SLC10A7: variants seen among roughly 807,000 people sequenced by gnomAD.
SLC10A7 encodes solute carrier family 10 member 7, also known as sodium/bile acid cotransporter 7.
In SLC10A7, 29 loss-of-function variants were observed where a neutral mutation model predicts 43.2. The observed-to-expected ratio is 0.67, with a 90% CI of 0.50 to 0.92. The LOEUF is 0.92. SLC10A7 is among the 40% of genes least tolerant of loss of function. The pLI is 0.00. For synonymous variants in SLC10A7, 152 were observed against 144.8 expected (o/e 1.05, Z -0.35); for missense variants, 295 against 403.2 (o/e 0.73, Z 2.30).
intron 6 of SLC10A7, 105 bp from the exon 7 acceptor site, chr4:146,306,114 T>C (rs1175094497): frequency 1.2e-5 from 10 of 811,680 alleles, no homozygotes; most frequent in Non-Finnish European, 1.8e-5. Flanking sequence ...CACCAAAAAT[T>C]TGGTAGCTAT....
intron 7 of SLC10A7, among the ~76,000 whole-genome samples, chr4:146,297,905 T>C (rs999406215): frequency 7.9e-5 from 12 of 152,200 alleles, no homozygotes; most frequent in African/African-American, 2.9e-4. Context: ...TCCATTCTCA[T>C]GAGAAAGGTC....
intron 3 of SLC10A7, among the ~76,000 whole-genome samples, chr4:146,505,367 T>C (rs1736802293): frequency 6.6e-6 from 1 of 152,190 alleles, no homozygotes; most frequent in Non-Finnish European, 1.5e-5. Flanking sequence ...GAATATGTAA[T>C]ACATGTAATA....
intron 4 of SLC10A7, among the ~76,000 whole-genome samples, chr4:146,493,033 TAA>T (rs1159377327): frequency 6.6e-6 from 1 of 152,200 alleles, no homozygotes; most frequent in East Asian, 1.9e-4. Context: ...TTATTAAGAA[TAA>T]GTCTTCTATT....
chr4:146,335,076 C>T (rs537382806), intron 5 of SLC10A7, among the ~76,000 whole-genome samples: 4 of 151,754 alleles, frequency 2.6e-5, no homozygotes, highest in African/African-American at 9.7e-5. Context: ...TGAGCTATGA[C>T]GATGTGGATG....
At chr4:146,512,249 C>G (rs1737552542) in intron 2 of SLC10A7, among the ~76,000 whole-genome samples, 1 of 152,152 alleles carries the variant, frequency 6.6e-6, no homozygotes, top group Non-Finnish European at 1.5e-5. Context: ...GCTGGGATTA[C>G]AGGCATGAGC....
intron 5 of SLC10A7, among the ~76,000 whole-genome samples, chr4:146,350,038 C>T (rs1734927159): frequency 6.6e-6 from 1 of 151,908 alleles, no homozygotes; most frequent in Admixed American, 6.6e-5. Flanking sequence ...GCCAAGATGG[C>T]CGAATAGGAA....
intron 7 of SLC10A7, among the ~76,000 whole-genome samples, chr4:146,302,228 A>G (rs989844616): frequency 1.3e-5 from 2 of 152,230 alleles, no homozygotes; most frequent in African/African-American, 4.8e-5. Context: ...ATGAATTTAA[A>G]CTAATATAAT....
chr4:146,476,672 T>C (rs1317814677), intron 4 of SLC10A7, among the ~76,000 whole-genome samples: 1 of 152,170 alleles, frequency 6.6e-6, no homozygotes, highest in Non-Finnish European at 1.5e-5. Flanking sequence ...GATCAAATCT[T>C]ACTATTAAAA....
intron 5 of SLC10A7, among the ~76,000 whole-genome samples, chr4:146,329,025 T>G (rs184784970): frequency 6.6e-6 from 1 of 152,184 alleles, no homozygotes; most frequent in Admixed American, 6.5e-5. Context: ...AGAAAATCAG[T>G]GAGATAGAAA....
chr4:146,367,367 T>C (rs2149773013), intron 5 of SLC10A7, among the ~76,000 whole-genome samples: 1 of 152,314 alleles, frequency 6.6e-6, no homozygotes, highest in South Asian at 2.1e-4. Flanking sequence ...ACTAGCCACA[T>C]GTAGCTATTA....
intron 3 of SLC10A7, among the ~76,000 whole-genome samples, chr4:146,506,272 T>G (rs1324991178): frequency 6.6e-6 from 1 of 152,066 alleles, no homozygotes; most frequent in Non-Finnish European, 1.5e-5. Flanking sequence ...AAAAAAAAAT[T>G]TGCCAACTAT....
intron 7 of SLC10A7, among the ~76,000 whole-genome samples, chr4:146,304,616 AGTTT>A (rs1409716265): frequency 1.3e-5 from 2 of 152,170 alleles, no homozygotes; most frequent in African/African-American, 2.4e-5. Context: ...TCTGAGAGAT[AGTTT>A]GTTATAATTT....
chr4:146,405,075 G>A (rs1727569883), intron 5 of SLC10A7, among the ~76,000 whole-genome samples: 1 of 152,112 alleles, frequency 6.6e-6, no homozygotes, highest in African/African-American at 2.4e-5. Flanking sequence ...TCAGTTTACA[G>A]GAAGATTTAC....
At chr4:146,414,548 A>G (rs1293738625) in intron 5 of SLC10A7, among the ~76,000 whole-genome samples, 1 of 152,066 alleles carries the variant, frequency 6.6e-6, no homozygotes, top group Non-Finnish European at 1.5e-5. Flanking sequence ...ACATGGTGAA[A>G]CCCTGTCTCT....
At chr4:146,508,692 C>G (rs549988808) in intron 3 of SLC10A7, among the ~76,000 whole-genome samples, 1 of 152,312 alleles carries the variant, frequency 6.6e-6, no homozygotes, top group South Asian at 2.1e-4. Flanking sequence ...TCATTCCTCT[C>G]TATTGAACTG....
intron 5 of SLC10A7, among the ~76,000 whole-genome samples, chr4:146,411,415 T>C (rs1728185829): frequency 1.3e-5 from 2 of 152,206 alleles, no homozygotes; most frequent in South Asian, 4.1e-4. Flanking sequence ...TTTAAATATC[T>C]GTTTTGTCTT....
intron 5 of SLC10A7, among the ~76,000 whole-genome samples, chr4:146,347,917 C>A (rs1011786606): frequency 1.3e-5 from 2 of 152,136 alleles, no homozygotes; most frequent in African/African-American, 4.8e-5. Flanking sequence ...TCAATACATA[C>A]ATTGGCTTCT....
chr4:146,281,908 T>C (rs1729581709), intron 10 of SLC10A7, among the ~76,000 whole-genome samples: 1 of 152,180 alleles, frequency 6.6e-6, no homozygotes, highest in Non-Finnish European at 1.5e-5. Context: ...ACTTACAGTA[T>C]GATTATTGCA....
chr4:146,388,555 G>A (rs1738173237), intron 5 of SLC10A7, among the ~76,000 whole-genome samples: 1 of 151,952 alleles, frequency 6.6e-6, no homozygotes, highest in Non-Finnish European at 1.5e-5. Flanking sequence ...TCAGCTGATC[G>A]AGACCATCCT....
Sources: allele counts gnomAD v4.1 joint callset (sites outside exome capture counted in the v4.1 genomes callset), GRCh38; gene constraint gnomAD v4.1.1; transcripts MANE v1.5; gene names NCBI Gene and HGNC (gene_info 2026-07-23, HGNC 2026-07-21).